Variants in CNBD1 observed in about 807,000 individuals in gnomAD.
The protein encoded by CNBD1 is cyclic nucleotide binding domain containing 1.
A neutral mutation model predicts 54.4 loss-of-function variants in CNBD1; 71 were observed. The observed-to-expected ratio is 1.30, with a 90% CI of 1.08 to 1.59. CNBD1 has a LOEUF of 1.59. Among genes scored for constraint, CNBD1 ranks in the 40% most tolerant of loss-of-function variants. The pLI is 0.00. For synonymous variants in CNBD1, 182 were observed against 170.7 expected, an observed-to-expected ratio of 1.07 and a Z score of -0.51; for missense variants, 659 against 518.0, an observed-to-expected ratio of 1.27 and a Z score of -2.64.
chr8:87,273,841 A>G (rs1445475950), intron 6 of CNBD1, among the ~76,000 whole-genome samples: 1 of 151,898 alleles, frequency 6.6e-6, no homozygotes, highest in African/African-American at 2.4e-5. Context: ...TTACATATGT[A>G]TTCATGTGCC....
chr8:87,156,524 G>A (rs932573940), intron 4 of CNBD1, among the ~76,000 whole-genome samples: 7 of 151,714 alleles, frequency 4.6e-5, no homozygotes, highest in African/African-American at 1.5e-4. Flanking sequence ...ATTTGCAGCC[G>A]TGAGCCACCG....
At chr8:86,993,191 A>G (rs780352245) in intron 4 of CNBD1, among the ~76,000 whole-genome samples, 2 of 149,080 alleles carry the variant, frequency 1.3e-5, no homozygotes, top group Non-Finnish European at 1.5e-5. Flanking sequence ...GAGTGCACTG[A>G]CTTGAAGAAC....
Position 87,419,933 on chromosome 8 carries a change from C to A in CNBD1, c.214-8613C>A, listed in dbSNP as rs191316139. The stretch of plus-strand genomic sequence containing the variant: ...TACAAAATAAGAAATTACTGGCCAA[C>A]CTCATTAATAAAAATATATATTATA... On this transcript the variant is annotated intron_variant, in intron 2 of 7. Coordinates refer to the CNBD1 transcript ENST00000521593. Among the ~76,000 whole-genome samples the A allele has an allele frequency of 6.9e-3, 1,029 of 148,820 alleles. 11 individuals carry two copies. Among genetic ancestry groups the A allele is most frequent in the African/African-American group, 0.024 (967 of 40,868 alleles).
At chr8:87,108,506 A>G (rs1402502197) in intron 4 of CNBD1, among the ~76,000 whole-genome samples, 1 of 152,156 alleles carries the variant, frequency 6.6e-6, no homozygotes, top group Admixed American at 6.5e-5. Context: ...CATGATATTT[A>G]TGCATTGTTT....
At chr8:87,131,206 T>C (rs1270616383) in intron 4 of CNBD1, among the ~76,000 whole-genome samples, 1 of 152,156 alleles carries the variant, frequency 6.6e-6, no homozygotes, top group African/African-American at 2.4e-5. Context: ...TGGATTTTTG[T>C]CTACCACTTC....
chr8:87,252,579 G>C (rs147268111), intron 6 of CNBD1, among the ~76,000 whole-genome samples: 6 of 152,246 alleles, frequency 3.9e-5, no homozygotes, highest in African/African-American at 1.2e-4. Context: ...TGACGGCTCT[G>C]CTGAGAACTG....
At chr8:87,270,501 T>C (rs772720320) in intron 6 of CNBD1, among the ~76,000 whole-genome samples, 6 of 151,978 alleles carry the variant, frequency 3.9e-5, no homozygotes, top group East Asian at 1.9e-4. Context: ...GGAACACTTA[T>C]ACATTTTTGG....
intron 8 of CNBD1, among the ~76,000 whole-genome samples, chr8:87,321,638 G>A (rs1433872723): frequency 1.3e-5 from 2 of 151,838 alleles, no homozygotes; most frequent in Non-Finnish European, 2.9e-5. Context: ...TCATTCCATA[G>A]GCTGCCTTTT....
intron 8 of CNBD1, among the ~76,000 whole-genome samples, chr8:87,332,431 G>T (rs371306287): frequency 6.6e-6 from 1 of 151,980 alleles, no homozygotes; most frequent in African/African-American, 2.4e-5. Context: ...TGCTTTTAGC[G>T]ATTTCATAAT....
intron 4 of CNBD1, among the ~76,000 whole-genome samples, chr8:86,968,925 A>G (rs1308296069): frequency 6.6e-6 from 1 of 152,220 alleles, no homozygotes; most frequent in Non-Finnish European, 1.5e-5. Context: ...TACATTGACA[A>G]GGTGAAATTC....
chr8:87,255,241 G>A (rs1312862943), intron 6 of CNBD1, among the ~76,000 whole-genome samples: 1 of 152,118 alleles, frequency 6.6e-6, no homozygotes, highest in Non-Finnish European at 1.5e-5. Flanking sequence ...AGGGACAATT[G>A]GTGTTCAGGG....
intron 4 of CNBD1, among the ~76,000 whole-genome samples, chr8:87,193,855 A>G (rs1813659739): frequency 6.6e-6 from 1 of 152,218 alleles, no homozygotes; most frequent in Non-Finnish European, 1.5e-5. Context: ...AGCTATACCC[A>G]GTAATTTAGA....
chr8:87,084,862 A>G (rs964669852), intron 4 of CNBD1, among the ~76,000 whole-genome samples: 13 of 151,780 alleles, frequency 8.6e-5, no homozygotes, highest in Admixed American at 8.5e-4. Flanking sequence ...TTTAGTTGAG[A>G]CGGGGTTTTT....
At chr8:87,398,461 G>T (rs1490601333) in intron 2 of CNBD1, among the ~76,000 whole-genome samples, 1 of 151,922 alleles carries the variant, frequency 6.6e-6, no homozygotes, top group Non-Finnish European at 1.5e-5. Flanking sequence ...TGCTGTGTGT[G>T]TGCCTGTTTG....
At chr8:86,917,085 T>C (rs1186669237) in intron 3 of CNBD1, among the ~76,000 whole-genome samples, 3 of 151,968 alleles carry the variant, frequency 2.0e-5, no homozygotes, top group Non-Finnish European at 4.4e-5. Flanking sequence ...TTGGCCAGGC[T>C]GGTCTTGGTC....
chr8:87,169,988 GTA>G (rs1211416070), intron 4 of CNBD1, among the ~76,000 whole-genome samples: 1 of 151,972 alleles, frequency 6.6e-6, no homozygotes, highest in African/African-American at 2.4e-5. Context: ...GTTTGTAGAT[GTA>G]GATTGCTTTG....
intron 4 of CNBD1, among the ~76,000 whole-genome samples, chr8:87,050,103 A>G (rs1810281943): frequency 6.6e-6 from 1 of 152,194 alleles, no homozygotes; most frequent in Non-Finnish European, 1.5e-5. Context: ...CCAGGTTAAG[A>G]GAGTGAGTTT....
rs539617690 is a variant in CNBD1 at position 87,180,074 on chromosome 8, A to T, written c.432-25919A>T. Among the ~76,000 whole-genome samples the T allele has an allele frequency of 2.0e-5, 3 of 152,330 alleles. No individual in the cohort carries two copies. In the South Asian group the frequency reaches 6.2e-4, roughly 32 times the overall value. ...AAAAGAGTTCAAAGAAGGAAGCACG[A>T]AGTGAAAACTTAAATTTCTGAATTG... On this transcript the variant is annotated intron_variant, in intron 4 of 10. Coordinates refer to ENST00000518476, the MANE Select transcript of CNBD1 (RefSeq NM_173538.3).
intron 4 of CNBD1, among the ~76,000 whole-genome samples, chr8:87,038,355 G>T (rs753058797): frequency 4.6e-5 from 7 of 152,188 alleles, no homozygotes; most frequent in Non-Finnish European, 7.3e-5. Flanking sequence ...AGGAGACAGA[G>T]TTATTACACA....
Sources: gnomAD v4.1 joint callset for allele counts (sites outside exome capture counted in the v4.1 genomes callset) on GRCh38, gnomAD v4.1.1 for gene constraint, MANE v1.5 for transcripts, NCBI Gene and HGNC (gene_info 2026-07-23, HGNC 2026-07-21) for gene names.